Variants in ZFHX3 observed in about 807,000 individuals in gnomAD.
The protein encoded by ZFHX3 is zinc finger homeobox protein 3.
Under a neutral mutation model 279.1 loss-of-function variants are expected in ZFHX3, and 42 were observed. The ratio of observed to expected loss-of-function variants is 0.15; its 90% CI spans 0.12 to 0.19. The LOEUF is 0.19. Ranked by LOEUF, ZFHX3 falls within the 10% of genes least tolerant of loss-of-function variation. The pLI is 1.00. For synonymous variants in ZFHX3, 2,293 were observed against 1,957.8 expected, an observed-to-expected ratio of 1.17 and a Z score of -4.52; for missense variants, 4,981 against 4,754.0, an observed-to-expected ratio of 1.05 and a Z score of -1.40.
chr16:73,173,600 G>T (rs1190029898), intron 5 of ZFHX3, among the ~76,000 whole-genome samples: 2 of 152,046 alleles, frequency 1.3e-5, no homozygotes, highest in Non-Finnish European at 2.9e-5. Flanking sequence ...GCACTCCAAG[G>T]TCAGGACCCC....
intron 3 of ZFHX3, among the ~76,000 whole-genome samples, chr16:72,902,644 G>T (rs1156932900): frequency 6.6e-6 from 1 of 152,178 alleles, no homozygotes; most frequent in African/African-American, 2.4e-5. Flanking sequence ...CAGAGTGGAG[G>T]ACACCAATTA....
At chr16:72,955,789 A>AAT (rs1191478754) in intron 2 of ZFHX3, among the ~76,000 whole-genome samples, 1 of 151,614 alleles carries the variant, frequency 6.6e-6, no homozygotes, top group Non-Finnish European at 1.5e-5. Context: ...AAAAAAAAAA[A>AAT]AAAAAACCCT....
intron 2 of ZFHX3, chr16:73,609,395 G>A (rs1266595039): frequency 6.6e-6 from 1 of 152,144 alleles, no homozygotes; most frequent in African/African-American, 2.4e-5. Context: ...AAAAAATAAA[G>A]GGATCAATTT....
chr16:73,213,418 A>T (rs2012087674), intron 5 of ZFHX3, among the ~76,000 whole-genome samples: 1 of 152,220 alleles, frequency 6.6e-6, no homozygotes, highest in Admixed American at 6.5e-5. Context: ...ACCAGAACTT[A>T]GCTCGACCCA....
At chr16:73,804,872 C>A (rs1960231864) in intron 1 of ZFHX3, among the ~76,000 whole-genome samples, 1 of 133,580 alleles carries the variant, frequency 7.5e-6, no homozygotes, top group Non-Finnish European at 1.6e-5. Flanking sequence ...CTTAACACAC[C>A]ACACACACAC....
At chr16:73,742,459 A>G (rs1413700789) in intron 1 of ZFHX3, among the ~76,000 whole-genome samples, 1 of 152,216 alleles carries the variant, frequency 6.6e-6, no homozygotes, top group Admixed American at 6.5e-5. Context: ...AGCAGCATTT[A>G]GAAGATAACT....
intron 1 of ZFHX3, among the ~76,000 whole-genome samples, chr16:72,961,597 C>T (rs1471659658): frequency 6.6e-6 from 1 of 151,768 alleles, no homozygotes; most frequent in Non-Finnish European, 1.5e-5. Flanking sequence ...TTTGATCTCA[C>T]TTCCCTCCCT....
chr16:73,506,366 T>C (rs1167533642), intron 2 of ZFHX3, among the ~76,000 whole-genome samples: 1 of 152,184 alleles, frequency 6.6e-6, no homozygotes, highest in Admixed American at 6.5e-5. Context: ...TCTACTTCCC[T>C]TTCCTTCCCT....
intron 3 of ZFHX3, among the ~76,000 whole-genome samples, chr16:73,342,655 A>C (rs1025679637): frequency 6.6e-6 from 1 of 152,212 alleles, no homozygotes; most frequent in Non-Finnish European, 1.5e-5. Flanking sequence ...AAAAGGAAAC[A>C]TTGGGAAGAA....
intron 4 of ZFHX3, among the ~76,000 whole-genome samples, chr16:72,843,427 C>T (rs1460243594): frequency 6.8e-6 from 1 of 147,948 alleles, no homozygotes; most frequent in Non-Finnish European, 1.5e-5. Context: ...AGGAGAATGG[C>T]GTGAACCCGG....
chr16:73,050,360 A>G (rs1360142823), upstream of ZFHX3, among the ~76,000 whole-genome samples: 1 of 152,192 alleles, frequency 6.6e-6, no homozygotes, highest in Non-Finnish European at 1.5e-5. Flanking sequence ...TAGAACTGAG[A>G]GTGACCCTGA....
intron 2 of ZFHX3, among the ~76,000 whole-genome samples, chr16:73,626,644 C>G (rs2052419819): frequency 6.6e-6 from 1 of 152,138 alleles, no homozygotes; most frequent in Non-Finnish European, 1.5e-5. Flanking sequence ...TCAGTACCAT[C>G]TTTCTCTGGA....
chr16:73,277,636 C>T (rs185777437), intron 4 of ZFHX3, among the ~76,000 whole-genome samples: 3 of 152,296 alleles, frequency 2.0e-5, no homozygotes, highest in South Asian at 2.1e-4. Context: ...GGGAATTCAT[C>T]GCTGAATATT....
intron 4 of ZFHX3, among the ~76,000 whole-genome samples, chr16:73,316,380 G>T (rs1244275936): frequency 6.6e-6 from 1 of 151,588 alleles, no homozygotes; most frequent in African/African-American, 2.4e-5. Context: ...GCCCCTTTAT[G>T]TCCACCCCAC....
chr16:73,322,334 C>T (rs1176723818), intron 3 of ZFHX3, among the ~76,000 whole-genome samples: 2 of 151,782 alleles, frequency 1.3e-5, no homozygotes, highest in Admixed American at 6.5e-5. Flanking sequence ...GGCGAGGCAG[C>T]TAGGTTTAAA....
chr16:73,195,421 T>A (rs945808649), intron 5 of ZFHX3, among the ~76,000 whole-genome samples: 15 of 145,968 alleles, frequency 1.0e-4, no homozygotes, highest in Admixed American at 8.1e-4. Context: ...CTATTTTTTT[T>A]TTTTTTTTTT....
At chr16:73,042,626 C>G (rs972068512) in intron 1 of ZFHX3, among the ~76,000 whole-genome samples, 1 of 152,102 alleles carries the variant, frequency 6.6e-6, no homozygotes, top group Non-Finnish European at 1.5e-5. Context: ...CTACACAGAA[C>G]AGCGGGTATA....
intron 4 of ZFHX3, among the ~76,000 whole-genome samples, chr16:73,270,858 A>G (rs61068500): frequency 0.46 from 69,720 of 152,010 alleles, 16,766 homozygotes; most frequent in East Asian, 0.66. Context: ...AGAGTGTTCT[A>G]GGTATGGAGG....
chr16:73,197,549 C>T (rs970111085), intron 5 of ZFHX3, among the ~76,000 whole-genome samples: 1 of 152,224 alleles, frequency 6.6e-6, no homozygotes, highest in Non-Finnish European at 1.5e-5. Context: ...GCGGATAATT[C>T]AAACCACCTA....
Sources: gnomAD v4.1 joint callset for allele counts (sites outside exome capture counted in the v4.1 genomes callset) on GRCh38, gnomAD v4.1.1 for gene constraint, MANE v1.5 for transcripts, NCBI Gene and HGNC (gene_info 2026-07-23, HGNC 2026-07-21) for gene names.